The following NUDCD3 variants were observed in gnomAD, a reference collection of about 807,000 sequenced individuals.
NUDCD3 encodes NudC domain containing 3, also known as nudC domain-containing protein 3.
A neutral mutation model predicts 39.7 loss-of-function variants in NUDCD3; 13 were observed. The observed-to-expected ratio is 0.33, with a 90% CI of 0.21 to 0.52. The LOEUF (loss-of-function observed/expected upper bound fraction) is 0.52. Among genes scored for constraint, NUDCD3 ranks in the 20% least tolerant of loss-of-function variants. NUDCD3 has a pLI of 0.96. For missense variants in NUDCD3, 453 were observed against 458.1 expected, an observed-to-expected ratio of 0.99 and a Z score of 0.10; for synonymous variants, 175 against 172.4, an observed-to-expected ratio of 1.02 and a Z score of -0.12.
chr7:44,432,273 C>A (rs1032244928), intron 2 of NUDCD3, among the ~76,000 whole-genome samples: 3 of 152,288 alleles, frequency 2.0e-5, no homozygotes, highest in East Asian at 3.9e-4. Flanking sequence ...CAGAATGAGA[C>A]CCTGTCTCTA....
intron 2 of NUDCD3, among the ~76,000 whole-genome samples, chr7:44,439,384 T>A (rs1799532573): frequency 6.6e-6 from 1 of 152,102 alleles, no homozygotes. Flanking sequence ...TAAACACACA[T>A]CCATGTCCTG....
In NUDCD3 at chr7:44,458,766, G is replaced by A. The variant is rs1799948866; in HGVS notation, c.509+26202C>T. 4.6e-5 allele frequency among the ~76,000 whole-genome samples: 7 copies of A among 152,290 alleles called. No homozygotes were observed. The South Asian group carries it at 1.2e-3, about 27-fold the overall frequency. On this transcript the variant is annotated intron_variant, in intron 2 of 5. Coordinates refer to ENST00000355451, the MANE Select transcript of NUDCD3 (RefSeq NM_015332.4). The stretch of plus-strand genomic sequence containing the variant: ...TGTTAAAGTACAAATTTTAAGATAC[G>A]TGAACTATATCTCAAGTTTTTAAAA...
intron 2 of NUDCD3, among the ~76,000 whole-genome samples, chr7:44,471,030 T>G (rs1800245717): frequency 6.6e-6 from 1 of 152,268 alleles, no homozygotes; most frequent in African/African-American, 2.4e-5. Context: ...GTTTACTGAG[T>G]ACCAACTACG....
At chr7:44,454,701 AG>A (rs1246254251) in intron 2 of NUDCD3, among the ~76,000 whole-genome samples, 1 of 152,088 alleles carries the variant, frequency 6.6e-6, no homozygotes, top group Non-Finnish European at 1.5e-5. Flanking sequence ...CCAAGGCGGG[AG>A]GATCACTTGA....
Position 44,427,645 on chromosome 7 carries a change from A to AGTTCTCTC in NUDCD3, c.560_567dup (p.Tyr190GlufsTer24). The AGTTCTCTC allele has an allele frequency of 1.2e-6, 2 of 1,613,938 alleles. No individual in the cohort carries two copies. Among genetic ancestry groups the AGTTCTCTC allele is most frequent in the Non-Finnish European group, 1.7e-6 (2 of 1,179,882 alleles). ...TCAGTATAGTCCTGTGACCAGGTGT[A>AGTTCTCTC]GTTCTCTCGGACAGCACCATTGTAA... On this transcript the variant is annotated frameshift_variant, in exon 3 of 6. Coordinates refer to ENST00000355451, the MANE Select transcript of NUDCD3 (RefSeq NM_015332.4). LOFTEE classifies it high-confidence loss of function.
intron 1 of NUDCD3, among the ~76,000 whole-genome samples, chr7:44,487,406 G>A (rs1457234189): frequency 2.0e-5 from 3 of 151,974 alleles, no homozygotes; most frequent in South Asian, 2.1e-4. Flanking sequence ...CACATCTGGT[G>A]GGGGTGGAGA....
At chr7:44,444,516 G>A (rs1164920868) in intron 2 of NUDCD3, among the ~76,000 whole-genome samples, 1 of 152,140 alleles carries the variant, frequency 6.6e-6, no homozygotes, top group Non-Finnish European at 1.5e-5. Flanking sequence ...CAACAAACTC[G>A]AGTTTGCTAT....
intron 2 of NUDCD3, among the ~76,000 whole-genome samples, chr7:44,480,941 C>CAAAAAAAAAA: frequency 2.9e-5 from 1 of 34,866 alleles, no homozygotes. Context: ...GACCCAGTAT[C>CAAAAAAAAAA]AAAAAAAAAA....
chr7:44,429,640 A>G (rs1052756046), intron 2 of NUDCD3, among the ~76,000 whole-genome samples: 2 of 152,228 alleles, frequency 1.3e-5, no homozygotes, highest in Non-Finnish European at 2.9e-5. Context: ...ACTAATTTCA[A>G]TCAGAGGTGA....
At chr7:44,407,207 A>G (rs1295549810) in intron 3 of NUDCD3, among the ~76,000 whole-genome samples, 13 of 151,796 alleles carry the variant, frequency 8.6e-5, no homozygotes, top group African/African-American at 2.9e-4. Flanking sequence ...TCAGACACAC[A>G]GTAGACAAAC....
chr7:44,437,254 G>A (rs2116916892), intron 2 of NUDCD3, among the ~76,000 whole-genome samples: 1 of 151,726 alleles, frequency 6.6e-6, no homozygotes, highest in South Asian at 2.1e-4. Flanking sequence ...ATTTTTAGTA[G>A]AGATGGGGTT....
intron 5 of NUDCD3, among the ~76,000 whole-genome samples, chr7:44,389,669 C>T (rs1381996974): frequency 2.0e-5 from 3 of 152,166 alleles, no homozygotes; most frequent in Non-Finnish European, 2.9e-5. Flanking sequence ...AATCCTAGCA[C>T]CACAAAGGCA....
intron 3 of NUDCD3, among the ~76,000 whole-genome samples, chr7:44,420,737 T>A (rs1304262996): frequency 2.0e-5 from 3 of 152,174 alleles, no homozygotes; most frequent in African/African-American, 7.2e-5. Context: ...GAATTTCATA[T>A]CCAGCCAAAC....
At chr7:44,470,660 T>C (rs1054264591) in intron 2 of NUDCD3, among the ~76,000 whole-genome samples, 1 of 151,886 alleles carries the variant, frequency 6.6e-6, no homozygotes, top group African/African-American at 2.4e-5. Context: ...AAGCAACCCA[T>C]GAGGGAAGGG....
intron 5 of NUDCD3, among the ~76,000 whole-genome samples, chr7:44,391,625 C>A (rs778750665): frequency 6.6e-6 from 1 of 152,170 alleles, no homozygotes; most frequent in African/African-American, 2.4e-5. Flanking sequence ...TGCTGTACTG[C>A]GGCCCAAACC....
At chr7:44,413,443 G>A (rs1432474105) in intron 3 of NUDCD3, among the ~76,000 whole-genome samples, 2 of 152,162 alleles carry the variant, frequency 1.3e-5, no homozygotes, top group Non-Finnish European at 2.9e-5. Flanking sequence ...ACAAAGGACT[G>A]ATCTCTCTAA....
intron 3 of NUDCD3, chr7:44,426,134 C>A (rs1423924350): frequency 2.0e-6 from 2 of 985,314 alleles, no homozygotes; most frequent in African/African-American, 3.5e-5. Flanking sequence ...GATGGGGCTT[C>A]AATGGGTCTC....
intron 2 of NUDCD3, among the ~76,000 whole-genome samples, chr7:44,445,890 A>T (rs1217205957): frequency 6.6e-6 from 1 of 152,226 alleles, no homozygotes; most frequent in African/African-American, 2.4e-5. Context: ...TTAAGGACAC[A>T]GACTCTGGAG....
chr7:44,388,343 C>T (rs1798436912), intron 5 of NUDCD3, among the ~76,000 whole-genome samples: 1 of 152,198 alleles, frequency 6.6e-6, no homozygotes, highest in African/African-American at 2.4e-5. Flanking sequence ...GAAGCAACTC[C>T]GGCCCCCTAA....
Sources: allele counts gnomAD v4.1 joint callset (sites outside exome capture counted in the v4.1 genomes callset), GRCh38; gene constraint gnomAD v4.1.1; transcripts MANE v1.5; gene names NCBI Gene and HGNC (gene_info 2026-07-23, HGNC 2026-07-21).